The following ARFGEF3 variants were observed in gnomAD, a reference collection of about 807,000 sequenced individuals.
ARFGEF3 encodes brefeldin A-inhibited guanine nucleotide-exchange protein 3.
Under a neutral mutation model 221.7 loss-of-function variants are expected in ARFGEF3, and 96 were observed. The ratio of observed to expected loss-of-function variants is 0.43; its 90% CI spans 0.37 to 0.51. The LOEUF (loss-of-function observed/expected upper bound fraction) is 0.51, where lower values mean the gene tolerates loss of function less well. ARFGEF3 is among the 20% of genes least tolerant of loss of function. The probability of loss-of-function intolerance (pLI) is 0.00; values close to 1 mark genes in which losing one functional copy is unlikely to be tolerated. For missense variants in ARFGEF3, 2,410 were observed against 2,789.9 expected (o/e 0.86, Z 3.07); for synonymous variants, 1,145 against 1,126.8 (o/e 1.02, Z -0.32).
intron 13 of ARFGEF3, among the ~76,000 whole-genome samples, chr6:138,279,187 T>C (rs1160638965): frequency 2.6e-5 from 4 of 151,744 alleles, no homozygotes; most frequent in Non-Finnish European, 4.4e-5. Flanking sequence ...GCTAATTTTT[T>C]AATTATTTTT....
intron 14 of ARFGEF3, among the ~76,000 whole-genome samples, chr6:138,282,243 C>A (rs1779209001): frequency 6.6e-6 from 1 of 152,140 alleles, no homozygotes; most frequent in African/African-American, 2.4e-5. Context: ...GCGTGAGCCG[C>A]CGCACCCACC....
chr6:138,286,162 G>C, intron 15 of ARFGEF3, 109 bp downstream of exon 15: 1 of 774,050 alleles, frequency 1.3e-6, no homozygotes, highest in Non-Finnish European at 2.2e-6. Context: ...GTTAGAAAAA[G>C]TAATTGGGCC....
chr6:138,290,385 A>C (rs1779381280), intron 18 of ARFGEF3, among the ~76,000 whole-genome samples: 1 of 152,248 alleles, frequency 6.6e-6, no homozygotes, highest in South Asian at 2.1e-4. Flanking sequence ...GCTTATTTGC[A>C]TACATAAAAT....
At chr6:138,195,032 T>G (rs1401992766) in intron 2 of ARFGEF3, among the ~76,000 whole-genome samples, 2 of 129,902 alleles carry the variant, frequency 1.5e-5, no homozygotes, top group African/African-American at 6.0e-5. Flanking sequence ...AGATGGAGTC[T>G]CACTCTGTCT....
chr6:138,330,720 A>C (rs1245929560), intron 32 of ARFGEF3, among the ~76,000 whole-genome samples: 2 of 145,794 alleles, frequency 1.4e-5, no homozygotes, highest in African/African-American at 5.6e-5. Context: ...AGTTTGATTA[A>C]TATAACAATC....
In ARFGEF3 at chr6:138,287,245, C is replaced by T. The variant is rs1017401150; in HGVS notation, c.2896+61C>T. On this transcript the variant is annotated intron_variant, in intron 17 of 33. Transcript: ENST00000251691. ...TGGGTGCAGTATGCACACACCTGCA[C>T]AGGCCTACACACGCCAGCCAACACT... is the stretch of plus-strand genomic sequence containing the variant. The T allele has an allele frequency of 2.1e-5, 26 of 1,238,926 alleles. 1 individual carries two copies. The East Asian group carries it at 2.3e-4, about 11-fold the overall frequency. The allele number at this position is 1,238,926 out of a possible 1,614,324, so 76.7% of individuals were successfully genotyped here.
At chr6:138,231,698 A>G (rs1778195258) in intron 5 of ARFGEF3, among the ~76,000 whole-genome samples, 1 of 152,198 alleles carries the variant, frequency 6.6e-6, no homozygotes, top group African/African-American at 2.4e-5. Context: ...GAAGGAATCT[A>G]GATGTTCTCT....
In ARFGEF3 at chr6:138,209,984, G is replaced by A. The variant is rs768398718; in HGVS notation, c.294G>A (p.Leu98=). The A allele has an allele frequency of 1.2e-6, 2 of 1,613,900 alleles. No homozygotes were observed. The highest frequency in any genetic ancestry group is 2.2e-5 in the South Asian group (2 of 91,066). ...AGAAGCAGCTGCTCAATCAGATACT[G>A]AATGCCGTGAAAGTGACGCCTTCGC... ...SDEKQLLNQI[L]NAVKVTPSLN... Residue 98 remains leucine (L), a synonymous_variant, in exon 4 of 34, where the codon CTG becomes CTA. Transcript: ENST00000251691.
At chr6:138,301,633 A>G (rs1034198443) in intron 22 of ARFGEF3, among the ~76,000 whole-genome samples, 2 of 152,240 alleles carry the variant, frequency 1.3e-5, no homozygotes, top group Non-Finnish European at 2.9e-5. Context: ...GAGGGACCAG[A>G]TAGTCTGTTC....
chr6:138,254,634 G>A (rs1382537567), intron 9 of ARFGEF3, among the ~76,000 whole-genome samples: 1 of 151,984 alleles, frequency 6.6e-6, no homozygotes, highest in Non-Finnish European at 1.5e-5. Flanking sequence ...GGAGGCTGAG[G>A]CAGGAGAATC....
In ARFGEF3 at chr6:138,291,873, C is replaced by G. The variant is rs1198998745; in HGVS notation, c.3188C>G (p.Pro1063Arg). Reference sequence around the variant, plus strand: ...GACCCCGAGTGTGAGGGCTCGCCCCCCGAGCACAGCCCGGAGCAGGGGCGC... The same window carrying G: ...GACCCCGAGTGTGAGGGCTCGCCCCGCGAGCACAGCCCGGAGCAGGGGCGC... ...LGDPECEGSPPEHSPEQGRSL... is the reference protein window; with the variant it reads ...LGDPECEGSPREHSPEQGRSL... The change falls in exon 19 of 34, where the codon CCC (proline) becomes CGC (arginine). Residue 1063 changes from proline (P) to arginine (R), a missense_variant. This residue lies in a region of ARFGEF3 where 184 missense variants were observed against 141.8 expected (regional missense o/e 1.30). Transcript: ENST00000251691. The surrounding 1 kb of genome is among the most constrained non-coding windows in gnomAD (Gnocchi z 4.5). 6 of 1,498,684 alleles carry G rather than the reference C, an allele frequency of 4.0e-6. No individual in the cohort carries two copies. The highest frequency in any genetic ancestry group is 1.3e-5 in the South Asian group (1 of 78,166). 92.8% of individuals were successfully genotyped at this position (1,498,684 alleles called of 1,614,324 possible). A position where few individuals can be genotyped will look rare whatever the true frequency, so the allele number is the denominator to read the frequency against.
intron 2 of ARFGEF3, 37 bp downstream of exon 2, chr6:138,170,750 A>G (rs752035043): frequency 4.8e-6 from 6 of 1,258,074 alleles, no homozygotes; most frequent in Middle Eastern, 3.7e-4. Context: ...ACAGAAGTCA[A>G]TATTACCCAC....
intron 2 of ARFGEF3, among the ~76,000 whole-genome samples, chr6:138,189,973 A>T (rs1019446080): frequency 1.3e-5 from 2 of 151,990 alleles, no homozygotes; most frequent in African/African-American, 4.8e-5. Flanking sequence ...AGTCTCAGGT[A>T]CCTGGGAGAC....
chr6:138,269,761 C>T (rs1342018895), intron 12 of ARFGEF3, among the ~76,000 whole-genome samples: 1 of 151,938 alleles, frequency 6.6e-6, no homozygotes, highest in African/African-American at 2.4e-5. Context: ...GAGCTGAGAT[C>T]GTGCCACTGC....
chr6:138,293,312 G>A (rs1234610378), intron 19 of ARFGEF3, among the ~76,000 whole-genome samples: 1 of 152,166 alleles, frequency 6.6e-6, no homozygotes, highest in Admixed American at 6.5e-5. Flanking sequence ...CTTCATTCCC[G>A]TGACCTTCAA....
chr6:138,327,998 T>A (rs774915448), intron 31 of ARFGEF3, 23 bp from the exon 32 acceptor site: 22 of 1,549,144 alleles, frequency 1.4e-5, no homozygotes, highest in Middle Eastern at 1.7e-4. Flanking sequence ...AGTTCTGAAA[T>A]GTACCTTTGC....
chr6:138,332,882 A>G (rs1237492425), intron 32 of ARFGEF3, among the ~76,000 whole-genome samples: 1 of 152,204 alleles, frequency 6.6e-6, no homozygotes, highest in African/African-American at 2.4e-5. Flanking sequence ...CTCAGTGAGG[A>G]CTACACAAAG....
intron 28 of ARFGEF3, among the ~76,000 whole-genome samples, chr6:138,320,201 A>C (rs1009803586): frequency 3.3e-5 from 5 of 152,200 alleles, no homozygotes; most frequent in African/African-American, 1.2e-4. Context: ...AAAAGAAAAA[A>C]AGAAGAAGCA....
intron 10 of ARFGEF3, among the ~76,000 whole-genome samples, chr6:138,256,156 A>T (rs1778676530): frequency 1.3e-5 from 2 of 152,194 alleles, no homozygotes; most frequent in South Asian, 4.1e-4. Flanking sequence ...GTTGCACATT[A>T]TCCAACAAAA....
Sources: gnomAD v4.1 joint callset for allele counts (sites outside exome capture counted in the v4.1 genomes callset) on GRCh38, gnomAD v4.1.1 for gene constraint, gnomAD v4.1.1 regional missense constraint, Gnocchi (gnomAD v3.1) non-coding constraint, MANE v1.5 for transcripts, NCBI Gene and HGNC (gene_info 2026-07-23, HGNC 2026-07-21) for gene names.